The following CSMD1 variants were observed in gnomAD, a reference collection of about 807,000 sequenced individuals.
CSMD1 encodes the protein CUB and sushi domain-containing protein 1.
A neutral mutation model predicts 417.5 loss-of-function variants in CSMD1; 213 were observed. The observed-to-expected ratio is 0.51, with a 90% CI of 0.46 to 0.57. The LOEUF (loss-of-function observed/expected upper bound fraction) is 0.57. Among genes scored for constraint, CSMD1 ranks in the 20% least tolerant of loss-of-function variants. CSMD1 has a pLI of 0.00. For missense variants in CSMD1, 6,923 were observed against 4,529.7 expected, an observed-to-expected ratio of 1.53 and a Z score of -15.17; for synonymous variants, 2,862 against 1,736.8, an observed-to-expected ratio of 1.65 and a Z score of -16.11.
rs1340731376 is a variant in CSMD1, at chr8:4,474,837, G to A, written c.303-54772C>T. Among the ~76,000 whole-genome samples, 3 of 152,080 alleles carry A rather than the reference G, an allele frequency of 2.0e-5. No homozygotes were observed. In the East Asian group the frequency reaches 5.8e-4, roughly 29 times the overall value. The stretch of plus-strand genomic sequence containing the variant: ...TGTGACCCCTTCCACTTAATCAATA[G>A]TAAATATATTTTCTCTTCCTTATGA... On this transcript the variant is annotated intron_variant, in intron 2 of 69. Coordinates refer to ENST00000635120, the MANE Select transcript of CSMD1 (RefSeq NM_033225.6).
chr8:3,257,957 C>G (rs1040376309), intron 26 of CSMD1, among the ~76,000 whole-genome samples: 1 of 152,042 alleles, frequency 6.6e-6, no homozygotes, highest in Non-Finnish European at 1.5e-5. Context: ...CAGGACAGAC[C>G]ATGGAGAGGC....
intron 3 of CSMD1, among the ~76,000 whole-genome samples, chr8:4,286,603 G>C (rs780491253): frequency 1.1e-4 from 16 of 152,078 alleles, no homozygotes; most frequent in South Asian, 2.1e-4. Context: ...TCATCTATTA[G>C]GTTTGGGAAC....
At chr8:3,754,115 T>C in intron 5 of CSMD1, 73 bp from the exon 6 acceptor site, 2 of 879,646 alleles carry the variant, frequency 2.3e-6, no homozygotes, top group Non-Finnish European at 3.7e-6. Context: ...AAACCCGCTT[T>C]GAAATCCGAT....
At chr8:4,376,131 G>A (rs1313558355) in intron 3 of CSMD1, among the ~76,000 whole-genome samples, 1 of 152,192 alleles carries the variant, frequency 6.6e-6, no homozygotes, top group Non-Finnish European at 1.5e-5. Flanking sequence ...ATATGGAAAT[G>A]CACTGCAAAC....
At chr8:4,785,186 G>T (rs1159744447) in intron 1 of CSMD1, among the ~76,000 whole-genome samples, 2 of 152,166 alleles carry the variant, frequency 1.3e-5, no homozygotes, top group Non-Finnish European at 2.9e-5. Context: ...CTCCTAGCCT[G>T]ATCTATTCTG....
intron 49 of CSMD1, among the ~76,000 whole-genome samples, chr8:3,085,351 C>G (rs1010281088): frequency 6.6e-6 from 1 of 152,204 alleles, no homozygotes; most frequent in Non-Finnish European, 1.5e-5. Context: ...AGTCACAGAT[C>G]TGTTTTAGAA....
At chr8:4,004,201 G>C (rs990593540) in intron 4 of CSMD1, among the ~76,000 whole-genome samples, 3 of 151,956 alleles carry the variant, frequency 2.0e-5, no homozygotes, top group Non-Finnish European at 4.4e-5. Context: ...TAATTGTTAT[G>C]AGGGATTTAA....
intron 1 of CSMD1, among the ~76,000 whole-genome samples, chr8:4,982,598 T>A (rs888460899): frequency 6.6e-6 from 1 of 152,216 alleles, no homozygotes; most frequent in Non-Finnish European, 1.5e-5. Flanking sequence ...GGTTCTATTC[T>A]TAAAATATAA....
chr8:4,342,753 C>T (rs1170889144), intron 3 of CSMD1, among the ~76,000 whole-genome samples: 2 of 151,842 alleles, frequency 1.3e-5, no homozygotes, highest in African/African-American at 2.4e-5. Context: ...TTGCAGAAGA[C>T]GTGTTAAAAA....
chr8:3,424,016 A>G (rs1280016220), intron 12 of CSMD1, among the ~76,000 whole-genome samples: 1 of 152,190 alleles, frequency 6.6e-6, no homozygotes, highest in African/African-American at 2.4e-5. Context: ...GGTCTCTCCA[A>G]GCTCTTCCGT....
intron 5 of CSMD1, among the ~76,000 whole-genome samples, chr8:3,888,109 T>C (rs963818994): frequency 2.0e-5 from 3 of 152,302 alleles, no homozygotes; most frequent in African/African-American, 7.2e-5. Flanking sequence ...CCAACGCTCC[T>C]TTGCCTAAGT....
rs551265729 is a variant in CSMD1 at position 4,933,466 on chromosome 8, G to A, written c.85+60866C>T. ...AGAAAATTAATTTCAAAGCCAACAA[G>A]GAGAGAACTGTCAGTGCAGAAGGTA... On this transcript the variant is annotated intron_variant, in intron 1 of 69. Transcript: ENST00000635120. Among the ~76,000 whole-genome samples, 4 of 152,294 alleles carry A rather than the reference G, an allele frequency of 2.6e-5. No homozygotes were observed. In the South Asian group the frequency reaches 6.2e-4, roughly 24 times the overall value.
Position 3,363,405 on chromosome 8 carries a change from T to A in CSMD1, c.3115+3627A>T, listed in dbSNP as rs76770619. On this transcript the variant is annotated intron_variant, in intron 20 of 69. Transcript: ENST00000635120. Reference sequence around the variant, plus strand: ...ATGGAAACGTTTTTCTCCTGTATTATATAGAAGAAAACAAATTCTGCCTAG... The same window carrying A: ...ATGGAAACGTTTTTCTCCTGTATTAAATAGAAGAAAACAAATTCTGCCTAG... Among the ~76,000 whole-genome samples the A allele has an allele frequency of 2.2e-3, 332 of 152,346 alleles. 2 individuals are homozygous for A. In the Middle Eastern group the frequency reaches 0.031, roughly 14 times the overall value.
chr8:4,450,544 G>A (rs745969223), intron 2 of CSMD1, among the ~76,000 whole-genome samples: 1 of 151,988 alleles, frequency 6.6e-6, no homozygotes, highest in Non-Finnish European at 1.5e-5. Flanking sequence ...CTGAGGCACG[G>A]GATTCACTTG....
At chr8:3,208,486 G>C (rs1013364522) in intron 30 of CSMD1, among the ~76,000 whole-genome samples, 1 of 152,084 alleles carries the variant, frequency 6.6e-6, no homozygotes, top group African/African-American at 2.4e-5. Context: ...AGGATGGTCT[G>C]GATCTGTTGA....
chr8:4,056,705 G>A (rs927640865), intron 3 of CSMD1, among the ~76,000 whole-genome samples: 2 of 151,538 alleles, frequency 1.3e-5, no homozygotes, highest in Admixed American at 1.3e-4. Flanking sequence ...CCCACAACAG[G>A]CCCTGGTGTG....
At chr8:4,002,857 A>T (rs1013092531) in intron 4 of CSMD1, among the ~76,000 whole-genome samples, 1 of 152,252 alleles carries the variant, frequency 6.6e-6, no homozygotes, top group Non-Finnish European at 1.5e-5. Context: ...AAATGTTTGA[A>T]TGTATTAAAT....
chr8:4,118,282 G>T (rs1386684059), intron 3 of CSMD1, among the ~76,000 whole-genome samples: 1 of 152,056 alleles, frequency 6.6e-6, no homozygotes, highest in Non-Finnish European at 1.5e-5. Context: ...ATGCTCACAT[G>T]TGAAGAAGTT....
chr8:4,827,831 G>A (rs1394898208), intron 1 of CSMD1, among the ~76,000 whole-genome samples: 7 of 152,126 alleles, frequency 4.6e-5, no homozygotes, highest in Admixed American at 6.5e-5. Context: ...TACAGGTACA[G>A]CCTGTTTAAA....
Sources: allele counts gnomAD v4.1 joint callset (sites outside exome capture counted in the v4.1 genomes callset), GRCh38; gene constraint gnomAD v4.1.1; transcripts MANE v1.5; gene names NCBI Gene and HGNC (gene_info 2026-07-23, HGNC 2026-07-21).